IARS1: variants seen among roughly 807,000 people sequenced by gnomAD.
IARS1 encodes isoleucyl-tRNA synthetase 1.
IARS1 carries 124 observed loss-of-function variants against 168.2 expected under a neutral mutation model. The ratio of observed to expected loss-of-function variants is 0.74; its 90% CI spans 0.64 to 0.86. The LOEUF (loss-of-function observed/expected upper bound fraction) is 0.86. Ranked by LOEUF, IARS1 falls within the 40% of genes least tolerant of loss-of-function variation. IARS1 has a pLI of 0.00. For synonymous variants in IARS1, 532 were observed against 529.4 expected (o/e 1.00, Z -0.07); for missense variants, 1,452 against 1,515.8 (o/e 0.96, Z 0.70).
At chr9:92,238,150 C>A (rs1409992806) in intron 30 of IARS1, among the ~76,000 whole-genome samples, 1 of 152,186 alleles carries the variant, frequency 6.6e-6, no homozygotes, top group Non-Finnish European at 1.5e-5. Flanking sequence ...AGGTGATCCG[C>A]CTGCCTTGGC....
chr9:92,216,109 G>A (rs939020043), intron 33 of IARS1, among the ~76,000 whole-genome samples: 14 of 151,136 alleles, frequency 9.3e-5, no homozygotes, highest in South Asian at 2.1e-4. Flanking sequence ...GAGAGTGGGG[G>A]CCAATATTCA....
Position 92,250,259 on chromosome 9 carries a change from ACTCT to A in IARS1, c.2456_2459del (p.Glu819ValfsTer9), listed in dbSNP as rs1157840485. On this transcript the variant is annotated frameshift_variant, in exon 24 of 34. Transcript: ENST00000443024. LOFTEE classifies it high-confidence loss of function. ...TCACAGACTGCATCTGAGATACTGC[ACTCT>A]CTGTTTTCTTGTCAATCAATTCTTC... is the stretch of plus-strand genomic sequence containing the variant. The A allele has an allele frequency of 6.2e-7, 1 of 1,610,742 alleles. No individual in the cohort carries two copies. Among genetic ancestry groups the A allele is most frequent in the South Asian group, 1.1e-5 (1 of 91,006 alleles).
intron 6 of IARS1, among the ~76,000 whole-genome samples, chr9:92,283,634 C>G (rs1404796727): frequency 6.6e-6 from 1 of 152,110 alleles, no homozygotes; most frequent in Non-Finnish European, 1.5e-5. Context: ...GAGTGAGACT[C>G]CGTCTCAAAA....
chr9:92,241,820 T>C (rs1308397465), intron 29 of IARS1, among the ~76,000 whole-genome samples: 1 of 152,142 alleles, frequency 6.6e-6, no homozygotes, highest in Admixed American at 6.6e-5. Flanking sequence ...TTCAAGCCAA[T>C]TGCTATTTAC....
chr9:92,281,035 T>G (rs1024852081), intron 6 of IARS1, 142 bp from the exon 7 acceptor site: 5 of 484,904 alleles, frequency 1.0e-5, no homozygotes, highest in Non-Finnish European at 1.7e-5. Flanking sequence ...AAACAGAAAA[T>G]AGCAAGAAAT....
At chr9:92,266,315 T>C (rs1024714376) in intron 14 of IARS1, among the ~76,000 whole-genome samples, 1 of 152,232 alleles carries the variant, frequency 6.6e-6, no homozygotes, top group Non-Finnish European at 1.5e-5. Context: ...AGCTAAATTA[T>C]AGTCATACAG....
chr9:92,265,412 T>C (rs950115860), intron 15 of IARS1, 68 bp downstream of exon 15: 126 of 1,372,210 alleles, frequency 9.2e-5, no homozygotes, highest in Non-Finnish European at 1.3e-4. Context: ...GGCTCTGTAA[T>C]CTGCTAGAGA....
intron 17 of IARS1, among the ~76,000 whole-genome samples, chr9:92,260,833 C>CA (rs1564176387): frequency 6.6e-6 from 1 of 152,202 alleles, no homozygotes. Context: ...AACCTATTAT[C>CA]AATTGTTCAC....
intron 31 of IARS1, among the ~76,000 whole-genome samples, chr9:92,224,178 G>C (rs1289366955): frequency 6.6e-6 from 1 of 152,218 alleles, no homozygotes; most frequent in African/African-American, 2.4e-5. Context: ...GGACTGGCTG[G>C]CAGAGAAAGA....
intron 9 of IARS1, among the ~76,000 whole-genome samples, chr9:92,275,190 G>A (rs1833615784): frequency 6.6e-6 from 1 of 151,840 alleles, no homozygotes; most frequent in East Asian, 1.9e-4. Context: ...TTTTTGCATT[G>A]GTAAAAAGTA....
intron 26 of IARS1, among the ~76,000 whole-genome samples, chr9:92,246,382 T>C (rs1829201559): frequency 3.9e-5 from 6 of 152,244 alleles, no homozygotes; most frequent in African/African-American, 1.4e-4. Flanking sequence ...AGTTACAGGA[T>C]GTCAGACAGC....
chr9:92,250,877 T>A (rs371490954), intron 22 of IARS1, 43 bp from the exon 23 acceptor site: 6 of 1,559,284 alleles, frequency 3.8e-6, no homozygotes, highest in Non-Finnish European at 5.2e-6. Context: ...TATGCAGTCA[T>A]CAACAACTGA....
intron 1 of IARS1, among the ~76,000 whole-genome samples, chr9:92,290,392 C>A (rs948387876): frequency 1.3e-5 from 2 of 152,086 alleles, no homozygotes; most frequent in African/African-American, 4.8e-5. Flanking sequence ...TCTAATTGGG[C>A]TCTTTTTGTG....
chr9:92,271,650 GTCC>G lies in IARS1; in HGVS notation c.993_995del (p.Glu331del), dbSNP rs746115675. On this transcript the variant is annotated inframe_deletion and splice_region_variant, in exon 11 of 34. Coordinates refer to ENST00000443024, the MANE Select transcript of IARS1 (RefSeq NM_002161.6). ...TGTTAAAGTCCATACAGACCCGATAGTCCTCCTGAGAAAAGGCAAAAGAGAGGG... is the reference window on the plus strand; with the variant it reads ...TGTTAAAGTCCATACAGACCCGATAGTCCTGAGAAAAGGCAAAAGAGAGGG... The G allele has an allele frequency of 6.2e-7, 1 of 1,614,038 alleles. No homozygotes were observed. The highest frequency in any genetic ancestry group is 8.5e-7 in the Non-Finnish European group (1 of 1,179,906).
chr9:92,268,404 A>C, intron 13 of IARS1, 104 bp from the exon 14 acceptor site: 1 of 1,140,200 alleles, frequency 8.8e-7, no homozygotes, highest in African/African-American at 1.6e-5. Flanking sequence ...TGGACCAAAC[A>C]CTCTGGAAAC....
chr9:92,277,970 T>C (rs761686258), intron 8 of IARS1, 47 bp from the exon 9 acceptor site: 6 of 1,555,572 alleles, frequency 3.9e-6, no homozygotes, highest in East Asian at 2.2e-5. Flanking sequence ...AAATCAAATA[T>C]GAGGCTGCAG....
At chr9:92,256,536 G>T in intron 20 of IARS1, 144 bp downstream of exon 20, 2 of 838,334 alleles carry the variant, frequency 2.4e-6, no homozygotes, top group Non-Finnish European at 1.8e-6. Flanking sequence ...CAATTAACAA[G>T]CCTTAACAAA....
intron 28 of IARS1, chr9:92,242,653 A>C: frequency 7.7e-6 from 2 of 259,428 alleles, no homozygotes; most frequent in East Asian, 1.7e-4. Flanking sequence ...GCACCCACTC[A>C]TCTGCTGGAA....
rs1473892614 is a variant in IARS1 at position 92,244,966 on chromosome 9, T to C, written c.2897A>G (p.Asp966Gly). 1 of 1,613,416 alleles carries C rather than the reference T, an allele frequency of 6.2e-7. No individual in the cohort carries two copies. The highest frequency in any genetic ancestry group is 1.1e-5 in the South Asian group (1 of 91,062). ...GGTAQFEAHS[D>G]AQALVLLDVT... The stretch of plus-strand genomic sequence containing the variant: ...TAGGAAACAGAAAAATACCTGAGCA[T>C]CTGAGTGTGCTTCAAATTGCGCAGT... Residue 966 changes from aspartate (D) to glycine (G), a missense_variant, in exon 27 of 34, where the codon GAT (aspartate) becomes GGT (glycine). Coordinates refer to ENST00000443024, the MANE Select transcript of IARS1 (RefSeq NM_002161.6).
Sources: allele counts gnomAD v4.1 joint callset (sites outside exome capture counted in the v4.1 genomes callset), GRCh38; gene constraint gnomAD v4.1.1; transcripts MANE v1.5; gene names NCBI Gene and HGNC (gene_info 2026-07-23, HGNC 2026-07-21).